AGBL1: variants seen among roughly 807,000 people sequenced by gnomAD.
The protein encoded by AGBL1 is AGBL carboxypeptidase 1, also known as cytosolic carboxypeptidase 4.
AGBL1 carries 130 observed loss-of-function variants against 118.9 expected under a neutral mutation model. That is an observed-to-expected ratio of 1.09 (90% CI 0.95 to 1.26). The LOEUF (loss-of-function observed/expected upper bound fraction) is 1.26, where lower values mean the gene tolerates loss of function less well. Ranked by LOEUF, AGBL1 falls within the 50% of genes most tolerant of loss-of-function variation. AGBL1 has a pLI of 0.00. For synonymous variants in AGBL1, 555 were observed against 478.9 expected (o/e 1.16, Z -2.08); for missense variants, 1,584 against 1,298.1 (o/e 1.22, Z -3.38).
chr15:86,247,519 G>T (rs1829771216), intron 6 of AGBL1, among the ~76,000 whole-genome samples, 152 bp from the exon 7 acceptor site: 1 of 152,164 alleles, frequency 6.6e-6, no homozygotes, highest in Non-Finnish European at 1.5e-5. Flanking sequence ...TTGATCACTT[G>T]GTTTAAGGTG....
At position 86,913,405 on chromosome 15, in the gene AGBL1, A is replaced by G. The variant is rs1427446772; in HGVS notation, c.*6111A>G. 6.6e-6 allele frequency: 1 copy of G among 152,246 alleles called. No homozygotes were observed. Among genetic ancestry groups the G allele is most frequent in the Non-Finnish European group, 1.5e-5 (1 of 68,056 alleles). The allele number at this position is 152,246 out of a possible 1,614,324, so 9.4% of individuals were successfully genotyped here. ...GACTCATCTCTCATTAGCATGTGACATAAACTGTACTTGAAGTGTGTATAT... is the reference window on the plus strand; with the variant it reads ...GACTCATCTCTCATTAGCATGTGACGTAAACTGTACTTGAAGTGTGTATAT... On this transcript the variant is annotated 3_prime_UTR_variant, in exon 23 of 23. Coordinates refer to ENST00000614907, the MANE Select transcript of AGBL1 (RefSeq NM_001386094.1).
intron 24 of AGBL1, among the ~76,000 whole-genome samples, chr15:87,008,231 C>T (rs2081523737): frequency 6.6e-6 from 1 of 152,162 alleles, no homozygotes; most frequent in Non-Finnish European, 1.5e-5. Flanking sequence ...TCTAGAATTC[C>T]CATGTGTTGT....
chr15:86,172,775 T>C (rs2077433286), intron 5 of AGBL1, among the ~76,000 whole-genome samples: 1 of 152,228 alleles, frequency 6.6e-6, no homozygotes, highest in Non-Finnish European at 1.5e-5. Flanking sequence ...GTTGATTCCA[T>C]ATCTTGGCTC....
At chr15:86,803,456 T>A (rs1025235072) in intron 22 of AGBL1, among the ~76,000 whole-genome samples, 1 of 152,154 alleles carries the variant, frequency 6.6e-6, no homozygotes, top group African/African-American at 2.4e-5. Context: ...CCAGTCTTAG[T>A]TATTTCTTTA....
At chr15:86,721,938 C>A (rs2086728284) in intron 22 of AGBL1, among the ~76,000 whole-genome samples, 1 of 152,052 alleles carries the variant, frequency 6.6e-6, no homozygotes, top group Non-Finnish European at 1.5e-5. Context: ...ACCTAGGAAT[C>A]CAACTTACAA....
intron 13 of AGBL1, 115 bp from the exon 14 acceptor site, chr15:86,269,804 G>A: frequency 2.5e-6 from 3 of 1,205,864 alleles, no homozygotes; most frequent in South Asian, 3.4e-5. Flanking sequence ...CCAGCTGGCT[G>A]AGATCCTGGG....
intron 17 of AGBL1, among the ~76,000 whole-genome samples, chr15:86,381,822 T>A (rs2141961697): frequency 6.6e-6 from 1 of 151,820 alleles, no homozygotes; most frequent in East Asian, 1.9e-4. Context: ...ACTGTGGGGG[T>A]GCAGGTGGGG....
intron 21 of AGBL1, among the ~76,000 whole-genome samples, chr15:86,673,926 A>T (rs577265159): frequency 6.6e-6 from 1 of 152,174 alleles, no homozygotes; most frequent in South Asian, 2.1e-4. Flanking sequence ...AGTGAAAAAA[A>T]ACCCTTTTTA....
At chr15:86,374,753 G>T (rs1479783990) in intron 17 of AGBL1, among the ~76,000 whole-genome samples, 1 of 152,198 alleles carries the variant, frequency 6.6e-6, no homozygotes, top group Non-Finnish European at 1.5e-5. Context: ...ATGTAGCAGG[G>T]CTTAGTTAAG....
chr15:86,529,786 A>T (rs2083323113), intron 19 of AGBL1, among the ~76,000 whole-genome samples: 1 of 151,964 alleles, frequency 6.6e-6, no homozygotes, highest in Non-Finnish European at 1.5e-5. Context: ...AAGCCAGAAG[A>T]GACTGGGGGC....
At chr15:86,433,812 G>A (rs1709858934) in intron 18 of AGBL1, among the ~76,000 whole-genome samples, 1 of 152,222 alleles carries the variant, frequency 6.6e-6, no homozygotes, top group African/African-American at 2.4e-5. Flanking sequence ...GAATGAGTAA[G>A]CAGAGGCAGG....
intron 18 of AGBL1, among the ~76,000 whole-genome samples, chr15:86,466,262 C>T (rs1410924335): frequency 6.6e-6 from 1 of 152,056 alleles, no homozygotes; most frequent in African/African-American, 2.4e-5. Context: ...CTCTGATATT[C>T]TTTCTTCTGC....
chr15:86,886,119 C>T (rs557671692), intron 22 of AGBL1, among the ~76,000 whole-genome samples: 1 of 152,144 alleles, frequency 6.6e-6, no homozygotes, highest in East Asian at 1.9e-4. Context: ...TCTGTACTTT[C>T]TTTATCGAAA....
intron 23 of AGBL1, among the ~76,000 whole-genome samples, chr15:86,932,653 T>C (rs964436833): frequency 6.6e-6 from 1 of 151,854 alleles, no homozygotes; most frequent in African/African-American, 2.4e-5. Context: ...TCCTGAGTCT[T>C]GTATTTTTTT....
intron 22 of AGBL1, among the ~76,000 whole-genome samples, chr15:86,823,769 C>T (rs1236901966): frequency 6.6e-6 from 1 of 151,952 alleles, no homozygotes; most frequent in Non-Finnish European, 1.5e-5. Flanking sequence ...TTATCAAAGA[C>T]CCTAAAGCAA....
At chr15:86,099,664 C>G (rs1896593618) in intron 1 of AGBL1, among the ~76,000 whole-genome samples, 1 of 151,822 alleles carries the variant, frequency 6.6e-6, no homozygotes, top group East Asian at 1.9e-4. Flanking sequence ...CTCAGCATCC[C>G]ACATGAGGCT....
rs560084993 is a variant in AGBL1 at position 86,929,363 on chromosome 15, T to G, written c.3222-58624T>G. On this transcript the variant is annotated intron_variant, in intron 23 of 24. Transcript: ENST00000441037. ...ATCAACATGATTATCAAGGAAACAG[T>G]TTTTTAATACTCTTTCCTCAACCTC... Among the ~76,000 whole-genome samples, 13 of 152,208 alleles carry G rather than the reference T, an allele frequency of 8.5e-5. No homozygotes were observed. In the South Asian group the frequency reaches 2.3e-3, roughly 27 times the overall value.
At chr15:86,693,405 G>A (rs895297200) in intron 22 of AGBL1, among the ~76,000 whole-genome samples, 8 of 151,928 alleles carry the variant, frequency 5.3e-5, no homozygotes, top group Non-Finnish European at 1.5e-5. Flanking sequence ...ATCTTCTTGT[G>A]AGAAATGTCT....
intron 22 of AGBL1, among the ~76,000 whole-genome samples, chr15:86,748,874 T>A (rs1270414058): frequency 6.6e-6 from 1 of 152,136 alleles, no homozygotes; most frequent in Non-Finnish European, 1.5e-5. Flanking sequence ...TCTATATCTC[T>A]GTTTTGGTAC....
Sources: allele counts gnomAD v4.1 joint callset (sites outside exome capture counted in the v4.1 genomes callset), GRCh38; gene constraint gnomAD v4.1.1; transcripts MANE v1.5; gene names NCBI Gene and HGNC (gene_info 2026-07-23, HGNC 2026-07-21).